Variants in EBLN1 observed in about 807,000 individuals in gnomAD.
EBLN1 encodes the protein endogenous Bornavirus like nucleoprotein 1.
Under a neutral mutation model 0.8 loss-of-function variants are expected in EBLN1, and 1 was observed. That is an observed-to-expected ratio of 1.32 (90% confidence interval 0.47 to 6.26). The LOEUF (loss-of-function observed/expected upper bound fraction) is 6.26, where lower values mean the gene tolerates loss of function less well. EBLN1 is among the 30% of genes most tolerant of loss of function. The probability of loss-of-function intolerance (pLI) is 0.15; values close to 1 mark genes in which losing one functional copy is unlikely to be tolerated. For missense variants in EBLN1, 396 were observed against 447.9 expected (o/e 0.88, Z 1.05); for synonymous variants, 158 against 158.5 (o/e 1.00, Z 0.02).
Position 22,209,553 on chromosome 10 carries a change from A to G in EBLN1, c.431T>C (p.Ile144Thr). The change falls in exon 3 of 3, where the codon ATA (isoleucine) becomes ACA (threonine). Residue 144 changes from isoleucine (I) to threonine (T), a missense_variant. Physicochemically the swap from Ile to Thr is moderately conservative, Grantham distance 89 (BLOSUM62 -1). Coordinates refer to ENST00000422359, the MANE Select transcript of EBLN1 (RefSeq NM_001394757.1). The part of the protein sequence containing the change: ...SSILRHCCDL[I>T]GIAAGSSDPI... ...GTCACTCGATCCGGCAGCAATGCCT[A>G]TCAGATCACAGCAGTGACGCAGAAT... The G allele has an allele frequency of 6.5e-7, 1 of 1,531,028 alleles. No individual in the cohort carries two copies. The highest frequency in any genetic ancestry group is 8.7e-7 in the Non-Finnish European group (1 of 1,150,972). The allele number at this position is 1,531,028 out of a possible 1,614,324, so 94.8% of individuals were successfully genotyped here.
At chr10:22,213,360 TC>T (rs1367070151) in intron 1 of EBLN1, among the ~76,000 whole-genome samples, 1 of 152,184 alleles carries the variant, frequency 6.6e-6, no homozygotes, top group African/African-American at 2.4e-5. Context: ...GTTCATAGAT[TC>T]TTTAATTCCT....
At chr10:22,217,843 C>T (rs931652857) in intron 1 of EBLN1, among the ~76,000 whole-genome samples, 73 bp downstream of exon 1, 1 of 152,110 alleles carries the variant, frequency 6.6e-6, no homozygotes, top group Non-Finnish European at 1.5e-5. Flanking sequence ...TGTATTAGTC[C>T]GTTCTCACAC....
chr10:22,214,684 A>G (rs1431678927), intron 1 of EBLN1, among the ~76,000 whole-genome samples: 1 of 152,134 alleles, frequency 6.6e-6, no homozygotes, highest in Non-Finnish European at 1.5e-5. Flanking sequence ...CAGCACCAAG[A>G]CACCAATAGA....
intron 2 of EBLN1, among the ~76,000 whole-genome samples, chr10:22,212,318 A>G (rs1232785946): frequency 6.6e-6 from 1 of 152,258 alleles, no homozygotes; most frequent in African/African-American, 2.4e-5. Context: ...AGAAATGATA[A>G]ATGATGTATC....
Position 22,209,242 on chromosome 10 carries a change from C to A in EBLN1, c.742G>T (p.Val248Leu). The A allele has an allele frequency of 1.3e-6, 2 of 1,559,680 alleles. No individual in the cohort carries two copies. The highest frequency in any genetic ancestry group is 1.7e-6 in the Non-Finnish European group (2 of 1,160,066). ...GCGGGTAAAGCAGTGGAACCATCCA[C>A]ACACTGATCCAGGAACATTCTCACA... ...YTVRMFLDQCVDGSTALPAVV... is the reference protein window; with the variant it reads ...YTVRMFLDQCLDGSTALPAVV... Residue 248 changes from valine (V) to leucine (L), a missense_variant, in exon 3 of 3, where the codon GTG becomes TTG. Transcript: ENST00000422359.
intron 2 of EBLN1, among the ~76,000 whole-genome samples, chr10:22,211,191 C>A (rs10508640): frequency 0.063 from 9,589 of 152,198 alleles, 644 homozygotes; most frequent in African/African-American, 0.17. Context: ...ATGTTCTTAA[C>A]TGTCTTGTTC....
At chr10:22,213,687 A>G (rs1185917914) in intron 1 of EBLN1, among the ~76,000 whole-genome samples, 2 of 152,222 alleles carry the variant, frequency 1.3e-5, no homozygotes, top group Non-Finnish European at 2.9e-5. Context: ...ATAACCAGGG[A>G]GATATACCAG....
At position 22,209,827 on chromosome 10, in the gene EBLN1, C is replaced by T. The variant is rs1165528443; in HGVS notation, c.157G>A (p.Val53Ile). 6 of 1,532,280 alleles carry T rather than the reference C, an allele frequency of 3.9e-6. No individual in the cohort carries two copies. In the African/African-American group the frequency reaches 5.5e-5, roughly 14 times the overall value. The allele number at this position is 1,532,280 out of a possible 1,614,324, so 94.9% of individuals were successfully genotyped here. The part of the protein sequence containing the change: ...ALEPQPGIGD[V>I]KVIEKATKSM... ...TTAGTTGCTTTTTCAATGACCTTAA[C>T]ATCTCCAATACCAGGTTGGGGCTCC... The change falls in exon 3 of 3, where the codon GTT becomes ATT. Residue 53 changes from valine to isoleucine, a missense_variant. Transcript: ENST00000422359.
intron 2 of EBLN1, among the ~76,000 whole-genome samples, chr10:22,210,277 A>G (rs528521055): frequency 1.3e-5 from 2 of 152,288 alleles, no homozygotes; most frequent in African/African-American, 4.8e-5. Context: ...GCCTATAGAG[A>G]GAAGAGTCAA....
chr10:22,214,211 A>G (rs1834774497), intron 1 of EBLN1, among the ~76,000 whole-genome samples: 1 of 152,166 alleles, frequency 6.6e-6, no homozygotes, highest in Non-Finnish European at 1.5e-5. Context: ...AAAAGATTAA[A>G]TTATAGAAAA....
chr10:22,210,061 A>C, intron 2 of EBLN1, 34 bp from the exon 3 acceptor site: 1 of 1,258,628 alleles, frequency 7.9e-7, no homozygotes, highest in Non-Finnish European at 1.0e-6. Flanking sequence ...ATACAACAAA[A>C]TATTTTTAAA....
Position 22,209,978 on chromosome 10 carries a change from G to T in EBLN1, c.6C>A (p.Ser2=), listed in dbSNP as rs1834735663. The change falls in exon 3 of 3, where the codon TCC becomes TCA. Residue 2 remains serine (S), a synonymous_variant. Coordinates refer to ENST00000422359, the MANE Select transcript of EBLN1 (RefSeq NM_001394757.1). The part of the protein sequence containing the change: M[S]RPRNNPQTSS... ...TGGTCTGTGGGTTGTTTCTTGGGCG[G>T]GACATTGTGGGTGATTGTTTCTGTG... 2 of 1,400,192 alleles carry T rather than the reference G, an allele frequency of 1.4e-6. No individual in the cohort carries two copies. Among genetic ancestry groups the T allele is most frequent in the East Asian group, 5.0e-5 (2 of 39,818 alleles). 86.7% of individuals were successfully genotyped at this position (1,400,192 alleles called of 1,614,324 possible). A position where few individuals can be genotyped will look rare whatever the true frequency, so the allele number is the denominator to read the frequency against.
In EBLN1 at chr10:22,209,756, G is replaced by T. The variant is rs771192191; in HGVS notation, c.228C>A (p.Thr76=). Residue 76 remains threonine, a synonymous_variant, in exon 3 of 3, where the codon ACC becomes ACA. Coordinates refer to ENST00000422359, the MANE Select transcript of EBLN1 (RefSeq NM_001394757.1). ...PAQRSHFYLV[T]PSLVFLCFIF... is the part of the protein sequence containing the mutation. ...TAAAACACAAAAATACTAAGCTTGG[G>T]GTTACAAGGTAAAAATGAGATCTCT... The T allele has an allele frequency of 1.6e-5, 25 of 1,535,872 alleles. 1 individual carries two copies. The South Asian group carries it at 2.6e-4, about 16-fold the overall frequency.
intron 1 of EBLN1, among the ~76,000 whole-genome samples, chr10:22,214,293 T>C (rs1834775202): frequency 6.8e-6 from 1 of 146,900 alleles, no homozygotes. Flanking sequence ...TGATTTTTTG[T>C]TTTACTTTCT....
intron 2 of EBLN1, among the ~76,000 whole-genome samples, chr10:22,210,534 A>G (rs1054167408): frequency 6.6e-6 from 1 of 152,176 alleles, no homozygotes; most frequent in African/African-American, 2.4e-5. Context: ...CTAAATAAGG[A>G]GCCTTTTTGT....
intron 2 of EBLN1, among the ~76,000 whole-genome samples, chr10:22,212,441 TTTTA>T (rs1377011413): frequency 6.6e-6 from 1 of 152,172 alleles, no homozygotes; most frequent in Non-Finnish European, 1.5e-5. Context: ...TTTCAATATT[TTTTA>T]TTTGTTTTGT....
chr10:22,214,995 G>A (rs930973837), intron 1 of EBLN1, among the ~76,000 whole-genome samples: 4 of 152,304 alleles, frequency 2.6e-5, no homozygotes, highest in Middle Eastern at 3.4e-3. Context: ...CAACATGGTT[G>A]CCTCTTGAAA....
At position 22,209,976 on chromosome 10, in the gene EBLN1, C is replaced by T. The variant is rs1309059623; in HGVS notation, c.8G>A (p.Arg3His). 7.8e-6 allele frequency: 11 copies of T among 1,409,080 alleles called. No individual in the cohort carries two copies. The highest frequency in any genetic ancestry group is 7.4e-6 in the Non-Finnish European group (8 of 1,085,170). 87.3% of individuals were successfully genotyped at this position (1,409,080 alleles called of 1,614,324 possible). The change falls in exon 3 of 3, where the codon CGC becomes CAC. Residue 3 changes from arginine to histidine, a missense_variant. Physicochemically the swap from Arg to His is conservative, Grantham distance 29. Transcript: ENST00000422359. ...GCTGGTCTGTGGGTTGTTTCTTGGG[C>T]GGGACATTGTGGGTGATTGTTTCTG... MS[R>H]PRNNPQTSSP...
chr10:22,217,450 G>A (rs1834801408), intron 1 of EBLN1, among the ~76,000 whole-genome samples: 1 of 152,128 alleles, frequency 6.6e-6, no homozygotes. Context: ...AAGAACTTTG[G>A]TAATATAAAG....
Sources: gnomAD v4.1 joint callset for allele counts (sites outside exome capture counted in the v4.1 genomes callset) on GRCh38, gnomAD v4.1.1 for gene constraint, MANE v1.5 for transcripts, NCBI Gene and HGNC (gene_info 2026-07-23, HGNC 2026-07-21) for gene names.